RTL4: variants seen among roughly 807,000 people sequenced by gnomAD.
RTL4 encodes retrotransposon Gag like 4, also known as retrotransposon Gag-like protein 4.
A neutral mutation model predicts 5.3 loss-of-function variants in RTL4; 4 were observed. The observed-to-expected ratio is 0.75, with a 90% confidence interval of 0.37 to 1.72. RTL4 has a LOEUF of 1.72. Ranked by LOEUF, RTL4 falls within the 40% of genes most tolerant of loss-of-function variation. The probability of loss-of-function intolerance (pLI) is 0.04; values close to 1 mark genes in which losing one functional copy is unlikely to be tolerated. For missense variants in RTL4, 260 were observed against 227.1 expected, an observed-to-expected ratio of 1.14 and a Z score of -0.93; for synonymous variants, 98 against 87.3, an observed-to-expected ratio of 1.12 and a Z score of -0.68.
exon 1 of RTL4, chrX:112,456,312 A>C: frequency 3.2e-6 from 1 of 308,414 alleles, no homozygotes; most frequent in East Asian, 4.8e-5. Context: ...AACAAACAGA[A>C]CCTCCTGGCT....
chrX:112,392,277 C>T, the RTL4 span, among the ~76,000 whole-genome samples: 1 of 111,305 alleles, frequency 9.0e-6, no homozygotes, highest in African/African-American at 3.3e-5. Context: ...AGAACCTGCA[C>T]GGTGAGGAGA....
chrX:112,247,319 AGCCCTAT>A, the RTL4 span, among the ~76,000 whole-genome samples: 6 of 111,715 alleles, frequency 5.4e-5, no homozygotes, highest in Non-Finnish European at 9.4e-5. Context: ...CCCTATCCCT[AGCCCTAT>A]GCAACTACAA....
At chrX:112,281,304 C>T in the RTL4 span, among the ~76,000 whole-genome samples, 8 of 111,728 alleles carry the variant, frequency 7.2e-5, no homozygotes, top group South Asian at 2.3e-3. Flanking sequence ...TCTATGTTTT[C>T]GCAAATGACA....
the RTL4 span, among the ~76,000 whole-genome samples, chrX:112,309,509 G>T: frequency 1.8e-5 from 2 of 109,425 alleles, no homozygotes; most frequent in Non-Finnish European, 3.8e-5. Flanking sequence ...TTTTTTTTAA[G>T]ACAGGATCTC....
chrX:112,285,893 C>G, the RTL4 span, among the ~76,000 whole-genome samples: 1 of 111,724 alleles, frequency 9.0e-6, no homozygotes, highest in Non-Finnish European at 1.9e-5. Context: ...CTCCTACCCG[C>G]TAGGTACCAA....
chrX:112,256,696 C>G, the RTL4 span, among the ~76,000 whole-genome samples: 1 of 111,795 alleles, frequency 8.9e-6, no homozygotes, highest in Admixed American at 9.5e-5. Flanking sequence ...TTTTATGCTC[C>G]TAATAATATT....
the RTL4 span, among the ~76,000 whole-genome samples, chrX:112,406,060 C>T: frequency 1.1e-4 from 12 of 110,869 alleles, no homozygotes; most frequent in African/African-American, 3.9e-4. Flanking sequence ...AATTTCTGAT[C>T]CCAACAGTTG....
the RTL4 span, among the ~76,000 whole-genome samples, chrX:112,362,066 C>T: frequency 8.9e-6 from 1 of 111,918 alleles, no homozygotes; most frequent in Non-Finnish European, 1.9e-5. Context: ...ATTCAGATAC[C>T]TTTTGTGCAA....
the RTL4 span, among the ~76,000 whole-genome samples, chrX:112,262,501 C>T: frequency 1.8e-5 from 2 of 112,146 alleles, no homozygotes; most frequent in Non-Finnish European, 3.8e-5. Flanking sequence ...GAGATACCAC[C>T]TCACACCAGT....
the RTL4 span, among the ~76,000 whole-genome samples, chrX:112,184,635 T>C: frequency 8.9e-6 from 1 of 112,383 alleles, no homozygotes; most frequent in African/African-American, 3.2e-5. Context: ...CCTTGAATCA[T>C]GCTGTGCTTC....
At chrX:112,273,212 A>G in the RTL4 span, among the ~76,000 whole-genome samples, 4 of 110,293 alleles carry the variant, frequency 3.6e-5, no homozygotes, top group Non-Finnish European at 7.6e-5. Flanking sequence ...CAGTTTCTTC[A>G]TCTATAGAAT....
the RTL4 span, among the ~76,000 whole-genome samples, chrX:112,171,918 C>G: frequency 1.8e-5 from 2 of 112,090 alleles, no homozygotes; most frequent in African/African-American, 6.5e-5. Context: ...TCAGAGTGAA[C>G]AGACAACCTA....
the RTL4 span, among the ~76,000 whole-genome samples, chrX:112,326,421 C>T: frequency 9.0e-6 from 1 of 111,601 alleles, no homozygotes; most frequent in African/African-American, 3.3e-5. Context: ...GGGTCACTTC[C>T]ACCCGAATAC....
chrX:112,434,787 A>G, the RTL4 span, among the ~76,000 whole-genome samples: 1 of 111,765 alleles, frequency 8.9e-6, no homozygotes, highest in South Asian at 3.7e-4. Context: ...TTTGTTTACC[A>G]TGGATCTCTT....
At chrX:112,345,292 G>C in the RTL4 span, among the ~76,000 whole-genome samples, 1 of 111,047 alleles carries the variant, frequency 9.0e-6, no homozygotes, top group Non-Finnish European at 1.9e-5. Flanking sequence ...GGACACCTCA[G>C]ACTACAATTC....
the RTL4 span, among the ~76,000 whole-genome samples, chrX:112,142,007 C>T: frequency 1.5e-3 from 166 of 111,300 alleles, no homozygotes; most frequent in Non-Finnish European, 2.4e-3. Context: ...GACAAGGAAC[C>T]GGGAAGATAA....
the RTL4 span, among the ~76,000 whole-genome samples, chrX:112,374,375 C>T: frequency 2.8e-3 from 310 of 111,630 alleles, 3 homozygotes; most frequent in African/African-American, 9.4e-3. Flanking sequence ...TATGGCAATA[C>T]CACACAACCC....
the RTL4 span, among the ~76,000 whole-genome samples, chrX:112,350,224 A>T: frequency 2.7e-5 from 3 of 110,521 alleles, no homozygotes; most frequent in East Asian, 8.5e-4. Flanking sequence ...CCACTTGATC[A>T]TGGTGGATAA....
chrX:112,386,779 C>T, the RTL4 span, among the ~76,000 whole-genome samples: 1 of 111,680 alleles, frequency 9.0e-6, no homozygotes, highest in African/African-American at 3.3e-5. Context: ...GGGCTGCTTT[C>T]ATATTTTTTC....
Sources: allele counts gnomAD v4.1 joint callset (sites outside exome capture counted in the v4.1 genomes callset), GRCh38; gene constraint gnomAD v4.1.1; transcripts MANE v1.5; gene names NCBI Gene and HGNC (gene_info 2026-07-23, HGNC 2026-07-21).